The following ARID3A variants were observed in gnomAD, a reference collection of about 807,000 sequenced individuals.
ARID3A encodes AT-rich interactive domain-containing protein 3A.
In ARID3A, 11 loss-of-function variants were observed where a neutral mutation model predicts 52.7. The observed-to-expected ratio is 0.21, with a 90% CI of 0.13 to 0.35. The LOEUF (loss-of-function observed/expected upper bound fraction) is 0.35. ARID3A is among the 10% of genes least tolerant of loss of function. The pLI is 1.00. For missense variants in ARID3A, 721 were observed against 838.5 expected (o/e 0.86, Z 1.73); for synonymous variants, 404 against 359.4 (o/e 1.12, Z -1.40).
intron 3 of ARID3A, among the ~76,000 whole-genome samples, chr19:957,754 GAA>G (rs1388165555): frequency 5.3e-5 from 8 of 152,176 alleles, no homozygotes; most frequent in Non-Finnish European, 1.0e-4. Context: ...TGAGGCAGGA[GAA>G]TCCCTTGAGC....
rs2037620274 is a variant in ARID3A at position 944,100 on chromosome 19, G to A, written c.693+11358G>A. Among the ~76,000 whole-genome samples, 1 of 151,530 alleles carries A rather than the reference G, an allele frequency of 6.6e-6. No homozygotes were observed. The highest frequency in any genetic ancestry group is 2.4e-5 in the African/African-American group (1 of 41,140). ...CGACCCTCTCATGGGCACCTACAGG[G>A]TACCTGCTGTATGCCAGCCTGACCC... is the stretch of plus-strand genomic sequence containing the variant. On this transcript the variant is annotated intron_variant, in intron 3 of 8. Coordinates refer to ENST00000263620, the MANE Select transcript of ARID3A (RefSeq NM_005224.3). The surrounding 1 kb of genome is among the most constrained non-coding windows in gnomAD (Gnocchi z 5.9).
chr19:931,424 C>T (rs2145351184), intron 2 of ARID3A, among the ~76,000 whole-genome samples: 1 of 145,512 alleles, frequency 6.9e-6, no homozygotes, highest in East Asian at 2.1e-4. Flanking sequence ...TGCACTCCAG[C>T]CTGGGCAACA....
At position 932,430 on chromosome 19, in the gene ARID3A, G is replaced by C; in HGVS notation, c.381G>C (p.Trp127Cys). 6.3e-7 allele frequency: 1 copy of C among 1,588,832 alleles called. No individual in the cohort carries two copies. Among genetic ancestry groups the C allele is most frequent in the Non-Finnish European group, 8.5e-7 (1 of 1,172,890 alleles). The stretch of plus-strand genomic sequence containing the variant: ...CTGCTCACCCCAGGAAGCCCAAATG[G>C]GAGGAGGAGGAGATGGAGGAAGACC... ...MASDEDMKPK[W>C]EEEEMEEDLG... The change falls in exon 3 of 9, where the codon TGG (tryptophan) becomes TGC (cysteine). Residue 127 changes from tryptophan to cysteine, a missense_variant. Coordinates refer to ENST00000263620, the MANE Select transcript of ARID3A (RefSeq NM_005224.3).
intron 2 of ARID3A, among the ~76,000 whole-genome samples, chr19:932,116 C>T (rs2037343099): frequency 6.6e-6 from 1 of 152,158 alleles, no homozygotes; most frequent in African/African-American, 2.4e-5. Flanking sequence ...CCGCCTTGGC[C>T]TCCCAGAGTG....
intron 3 of ARID3A, among the ~76,000 whole-genome samples, chr19:946,160 G>T (rs1304880815): frequency 1.3e-5 from 2 of 152,032 alleles, no homozygotes; most frequent in Admixed American, 6.5e-5. Context: ...CCCCGGCCGC[G>T]TGGAGTGGCA....
In ARID3A at chr19:944,717, C is replaced by T. The variant is rs937400073; in HGVS notation, c.693+11975C>T. 6.6e-6 allele frequency among the ~76,000 whole-genome samples: 1 copy of T among 152,164 alleles called. No individual in the cohort carries two copies. The highest frequency in any genetic ancestry group is 2.4e-5 in the African/African-American group (1 of 41,448). ...CATAGCTCACTGCAGCCTCGACCTCCCGGGCTCCGGTGATCTTCCCGTGTC... is the reference window on the plus strand; with the variant it reads ...CATAGCTCACTGCAGCCTCGACCTCTCGGGCTCCGGTGATCTTCCCGTGTC... On this transcript the variant is annotated intron_variant, in intron 3 of 8. Coordinates refer to ENST00000263620, the MANE Select transcript of ARID3A (RefSeq NM_005224.3). The surrounding 1 kb of genome is among the most constrained non-coding windows in gnomAD (Gnocchi z 5.9).
At chr19:933,115 CG>C (rs1229922107) in intron 3 of ARID3A, among the ~76,000 whole-genome samples, 1 of 152,136 alleles carries the variant, frequency 6.6e-6, no homozygotes, top group African/African-American at 2.4e-5. Flanking sequence ...GCAGAGAGGC[CG>C]GGGCCTTGGT....
chr19:973,134 G>GTTTTTTTTTTTT lies in ARID3A; in HGVS notation c.*1073_*1074insTTTTTTTTTTTT, dbSNP rs2038317534. The GTTTTTTTTTTTT allele has an allele frequency of 3.0e-4, 3 of 9,860 alleles. No individual in the cohort carries two copies. The highest frequency in any genetic ancestry group is 9.7e-4 in the Non-Finnish European group (3 of 3,092). 0.6% of individuals were successfully genotyped at this position (9,860 alleles called of 1,614,324 possible). On this transcript the variant is annotated 3_prime_UTR_variant, in exon 9 of 9. Transcript: ENST00000263620. ...TTTTTTTTTTTTTTTTTGAGACGGA[G>GTTTTTTTTTTTT]TTTTGCTCTTGTCGCCCAGGCTGGA...
In ARID3A at chr19:929,777, T is replaced by C; in HGVS notation, c.249T>C (p.Asp83=). 6.4e-7 allele frequency: 1 copy of C among 1,552,064 alleles called. No homozygotes were observed. The highest frequency in any genetic ancestry group is 8.7e-7 in the Non-Finnish European group (1 of 1,153,608). The change falls in exon 2 of 9, where the codon GAT becomes GAC. Residue 83 remains aspartate (D), a synonymous_variant. Coordinates refer to ENST00000263620, the MANE Select transcript of ARID3A (RefSeq NM_005224.3). This position sits in a 1 kb window ranked among gnomAD's most constrained non-coding sequence, Gnocchi z 6.2. ...GHPASPGGSE[D]GPPGSEEEDA... is the part of the protein sequence containing the mutation. ...CAGCCAGCCCCGGCGGCTCTGAGGA[T>C]GGGCCCCCAGGCTCGGAGGAGGAGG...
intron 6 of ARID3A, 79 bp downstream of exon 6, chr19:965,159 C>A: frequency 1.4e-6 from 2 of 1,453,532 alleles, no homozygotes; most frequent in Non-Finnish European, 1.8e-6. Flanking sequence ...GATACCTCTT[C>A]CCCTCTCTGG....
chr19:973,003 C>T lies in ARID3A; in HGVS notation c.*938C>T, dbSNP rs2038311986. On this transcript the variant is annotated 3_prime_UTR_variant, in exon 9 of 9. Coordinates refer to ENST00000263620, the MANE Select transcript of ARID3A (RefSeq NM_005224.3). ...CAGAGGGTGCATGCTGGGGTCCCAC[C>T]GGCCAGGGGCCCCTGACAGTGAATT... The T allele has an allele frequency of 4.9e-6, 1 of 203,592 alleles. No individual in the cohort carries two copies. Among genetic ancestry groups the T allele is most frequent in the Non-Finnish European group, 1.0e-5 (1 of 99,344 alleles). The allele number at this position is 203,592 out of a possible 1,614,324, so 12.6% of individuals were successfully genotyped here.
chr19:961,545 C>T (rs1466844018), intron 4 of ARID3A, among the ~76,000 whole-genome samples: 4 of 152,196 alleles, frequency 2.6e-5, no homozygotes, highest in Admixed American at 6.5e-5. Flanking sequence ...TGTGGGGCTC[C>T]GAGCTCCTGG....
rs559697142 is a variant in ARID3A, at chr19:971,729, G to A, written c.1595-149G>A. The A allele has an allele frequency of 2.9e-6, 3 of 1,038,272 alleles. No homozygotes were observed. In the African/African-American group the frequency reaches 5.0e-5, roughly 17 times the overall value. 64.3% of individuals were successfully genotyped at this position (1,038,272 alleles called of 1,614,324 possible). ...TTGAGCCCATGAGGTTGAGGCTGCA[G>A]TGAGCTCTGATGCCACCACTGCACT... On this transcript the variant is annotated intron_variant, in intron 8 of 8. Coordinates refer to ENST00000263620, the MANE Select transcript of ARID3A (RefSeq NM_005224.3).
intron 7 of ARID3A, among the ~76,000 whole-genome samples, chr19:968,039 C>G (rs1333371759): frequency 1.1e-5 from 1 of 94,062 alleles, no homozygotes; most frequent in African/African-American, 4.0e-5. Context: ...AGTGAGACTC[C>G]GTCTCAAAAA....
In ARID3A at chr19:959,030, C is replaced by T. The variant is rs1473930983; in HGVS notation, c.694-1062C>T. The stretch of plus-strand genomic sequence containing the variant: ...TTGTAGCCCAGGAGCGCTGGCTGGG[C>T]TGTGCCTGTGCCTGGGTGTGTGGGA... On this transcript the variant is annotated intron_variant, in intron 3 of 8. Transcript: ENST00000263620. This position sits in a 1 kb window ranked among gnomAD's most constrained non-coding sequence, Gnocchi z 5.0. 1.3e-5 allele frequency among the ~76,000 whole-genome samples: 2 copies of T among 152,246 alleles called. No individual in the cohort carries two copies. Among genetic ancestry groups the T allele is most frequent in the Non-Finnish European group, 2.9e-5 (2 of 68,046 alleles).
At chr19:928,106 C>T (rs996473609) in intron 1 of ARID3A, among the ~76,000 whole-genome samples, 5 of 149,284 alleles carry the variant, frequency 3.3e-5, no homozygotes, top group African/African-American at 7.3e-5. Context: ...GCCTTGTCTG[C>T]CCAGGAGCTG....
intron 3 of ARID3A, among the ~76,000 whole-genome samples, chr19:948,417 C>G (rs574969581): frequency 6.6e-6 from 1 of 152,144 alleles, no homozygotes; most frequent in Admixed American, 6.5e-5. Flanking sequence ...CAAAATCCCC[C>G]GGCCTCCCGG....
At position 971,793 on chromosome 19, in the gene ARID3A, C is replaced by T. The variant is rs150360858; in HGVS notation, c.1595-85C>T. 4.2e-5 allele frequency: 61 copies of T among 1,466,170 alleles called. No individual in the cohort carries two copies. The Middle Eastern group carries it at 1.0e-3, about 25-fold the overall frequency. The allele number at this position is 1,466,170 out of a possible 1,614,324, so 90.8% of individuals were successfully genotyped here. On this transcript the variant is annotated intron_variant, in intron 8 of 8. Coordinates refer to ENST00000263620, the MANE Select transcript of ARID3A (RefSeq NM_005224.3). Reference sequence around the variant, plus strand: ...CAGAGTGAGAGAGAAGTTTATTCCCCGGAGCACCCCATTGGGTCTCCCTTG... The same window carrying T: ...CAGAGTGAGAGAGAAGTTTATTCCCTGGAGCACCCCATTGGGTCTCCCTTG...
rs1245341174 is a variant in ARID3A at position 942,862 on chromosome 19, C to T, written c.693+10120C>T. On this transcript the variant is annotated intron_variant, in intron 3 of 8. Transcript: ENST00000263620. This position sits in a 1 kb window ranked among gnomAD's most constrained non-coding sequence, Gnocchi z 8.1. ...GCCCCGTCTGGATTGGATGGCATCG[C>T]CCAAAACTCACGTCCACCCAGAACC... 6.6e-6 allele frequency among the ~76,000 whole-genome samples: 1 copy of T among 152,298 alleles called. No homozygotes were observed. Among genetic ancestry groups the T allele is most frequent in the Non-Finnish European group, 1.5e-5 (1 of 68,016 alleles).
Sources: allele counts gnomAD v4.1 joint callset (sites outside exome capture counted in the v4.1 genomes callset), GRCh38; gene constraint gnomAD v4.1.1; non-coding constraint Gnocchi (gnomAD v3.1); transcripts MANE v1.5; gene names NCBI Gene and HGNC (gene_info 2026-07-23, HGNC 2026-07-21).